The following PTPRS variants were observed in gnomAD, a reference collection of about 807,000 sequenced individuals.
PTPRS encodes the protein receptor-type tyrosine-protein phosphatase S.
In PTPRS, 63 loss-of-function variants were observed where a neutral mutation model predicts 215.3. The ratio of observed to expected loss-of-function variants is 0.29; its 90% CI spans 0.24 to 0.36. The LOEUF is 0.36. Ranked by LOEUF, PTPRS falls within the 10% of genes least tolerant of loss-of-function variation. The pLI, the probability that PTPRS is intolerant of heterozygous loss-of-function variation, is 1.00. For missense variants in PTPRS, 2,258 were observed against 2,825.8 expected, an observed-to-expected ratio of 0.80 and a Z score of 4.56; for synonymous variants, 1,404 against 1,191.4, an observed-to-expected ratio of 1.18 and a Z score of -3.68.
intron 1 of PTPRS, among the ~76,000 whole-genome samples, chr19:5,288,512 G>A (rs1036181593): frequency 6.6e-6 from 1 of 152,224 alleles, no homozygotes; most frequent in Non-Finnish European, 1.5e-5. Context: ...CAACGAGGAA[G>A]GCGGTGGCCC....
chr19:5,223,421 T>G, intron 17 of PTPRS, 124 bp from the exon 18 acceptor site: 40 of 1,152,788 alleles, frequency 3.5e-5, no homozygotes, highest in Non-Finnish European at 4.1e-5. Context: ...GGGGGGGTCT[T>G]ACTCTGTTGC....
chr19:5,251,521 AC>A (rs931431915), intron 9 of PTPRS, among the ~76,000 whole-genome samples: 8 of 104,816 alleles, frequency 7.6e-5, no homozygotes, highest in East Asian at 5.0e-4. Flanking sequence ...TTCCCTCACC[AC>A]CCCCCCAACC....
Position 5,210,861 on chromosome 19 carries a change from C to A in PTPRS, c.5235-56G>T. On this transcript the variant is annotated intron_variant, in intron 33 of 37. Transcript: ENST00000262963. The surrounding 1 kb of genome is among the most constrained non-coding windows in gnomAD (Gnocchi z 4.5). ...CGGCAGGGAGACCCGGCGTGGTACT[C>A]ACCTGATGCTGCCCGGGAGGGTCAG... 1 of 1,581,174 alleles carries A rather than the reference C, an allele frequency of 6.3e-7. No individual in the cohort carries two copies. Among genetic ancestry groups the A allele is most frequent in the Non-Finnish European group, 8.6e-7 (1 of 1,167,216 alleles).
In PTPRS at chr19:5,215,955, G is replaced by T. The variant is rs1247473708; in HGVS notation, c.4097-360C>A. 2.0e-5 allele frequency among the ~76,000 whole-genome samples: 3 copies of T among 152,196 alleles called. No homozygotes were observed. The East Asian group carries it at 5.8e-4, about 29-fold the overall frequency. ...GGATGTCAAGCTCCCAGTGCCTCGA[G>T]CCAAGAAGCAAGTGTGTGGCACAGA... On this transcript the variant is annotated intron_variant, in intron 26 of 37. Transcript: ENST00000262963.
At chr19:5,335,610 T>C (rs2050469730) in intron 1 of PTPRS, among the ~76,000 whole-genome samples, 1 of 152,088 alleles carries the variant, frequency 6.6e-6, no homozygotes, top group Non-Finnish European at 1.5e-5. Flanking sequence ...ATAAGGGGCT[T>C]ATGGCAAAGA....
chr19:5,330,433 G>A (rs1444182226), intron 1 of PTPRS, among the ~76,000 whole-genome samples: 1 of 152,330 alleles, frequency 6.6e-6, no homozygotes, highest in African/African-American at 2.4e-5. Context: ...CCCCCACCAC[G>A]GGGGACTTTC....
chr19:5,267,141 G>A (rs1172414807), intron 4 of PTPRS, among the ~76,000 whole-genome samples: 16 of 151,896 alleles, frequency 1.1e-4, no homozygotes, highest in East Asian at 1.9e-4. Flanking sequence ...GGTCTCCAGC[G>A]CTCGGTATCC....
At chr19:5,330,601 A>G (rs573368438) in intron 1 of PTPRS, among the ~76,000 whole-genome samples, 2 of 152,316 alleles carry the variant, frequency 1.3e-5, no homozygotes, top group South Asian at 2.1e-4. Context: ...CCCGTTATCA[A>G]TGTGACACCA....
intron 1 of PTPRS, among the ~76,000 whole-genome samples, chr19:5,335,583 G>C (rs182778384): frequency 6.6e-6 from 1 of 152,332 alleles, no homozygotes; most frequent in Admixed American, 6.5e-5. Flanking sequence ...GGGAACAGGA[G>C]ACAGCTGGCC....
intron 1 of PTPRS, among the ~76,000 whole-genome samples, chr19:5,336,708 A>G (rs1029035913): frequency 4.0e-5 from 6 of 150,838 alleles, no homozygotes; most frequent in African/African-American, 1.5e-4. Flanking sequence ...GAATCCTGCG[A>G]GGAACAGCAG....
rs551446886 is a variant in PTPRS, at chr19:5,253,112, A to C, written c.718+2996T>G. On this transcript the variant is annotated intron_variant, in intron 9 of 37. Coordinates refer to ENST00000262963, the MANE Select transcript of PTPRS (RefSeq NM_002850.4). ...CAGAAAAGAACATTCATAGTCAGGG[A>C]GAATATAATCTGATCATCTTCCCAC... Among the ~76,000 whole-genome samples, 6 of 152,312 alleles carry C rather than the reference A, an allele frequency of 3.9e-5. No individual in the cohort carries two copies. The East Asian group carries it at 1.2e-3, about 29-fold the overall frequency.
chr19:5,223,412 G>C (rs946274618), intron 17 of PTPRS, 115 bp from the exon 18 acceptor site: 2 of 1,264,896 alleles, frequency 1.6e-6, no homozygotes, highest in African/African-American at 3.2e-5. Flanking sequence ...TTTGAGTTGG[G>C]GGGGGTCTTA....
At chr19:5,239,098 G>C in intron 12 of PTPRS, 35 bp from the exon 13 acceptor site, 1 of 1,555,080 alleles carries the variant, frequency 6.4e-7, no homozygotes. Context: ...GAGAGGGATG[G>C]GGGAGAGAGA....
Position 5,237,173 on chromosome 19 carries a change from C to T in PTPRS, c.1849+1746G>A, listed in dbSNP as rs1268727380. The stretch of plus-strand genomic sequence containing the variant: ...CCCGCAGCCCTGCTCCAGCCCCCAG[C>T]GTGCGCACGCTGAGGTTCCAGGCTG... On this transcript the variant is annotated intron_variant, in intron 13 of 37. Coordinates refer to ENST00000262963, the MANE Select transcript of PTPRS (RefSeq NM_002850.4). This position sits in a 1 kb window ranked among gnomAD's most constrained non-coding sequence, Gnocchi z 4.2. Among the ~76,000 whole-genome samples, 2 of 152,142 alleles carry T rather than the reference C, an allele frequency of 1.3e-5. No individual in the cohort carries two copies. The highest frequency in any genetic ancestry group is 2.9e-5 in the Non-Finnish European group (2 of 68,028).
intron 4 of PTPRS, among the ~76,000 whole-genome samples, chr19:5,270,317 G>T (rs1242633064): frequency 3.9e-5 from 5 of 127,968 alleles, no homozygotes; most frequent in Non-Finnish European, 7.7e-5. Context: ...TAGAGACAGG[G>T]TCTTGCTCTG....
At chr19:5,280,581 C>A (rs951307929) in intron 2 of PTPRS, among the ~76,000 whole-genome samples, 7 of 151,992 alleles carry the variant, frequency 4.6e-5, no homozygotes, top group Non-Finnish European at 5.9e-5. Flanking sequence ...ATCAGCCAGG[C>A]GTGGTGGCGG....
intron 26 of PTPRS, among the ~76,000 whole-genome samples, chr19:5,216,351 G>C (rs2041451778): frequency 6.6e-6 from 1 of 152,160 alleles, no homozygotes; most frequent in Non-Finnish European, 1.5e-5. Flanking sequence ...GCTCTCAGGT[G>C]GTTTCCAGAC....
chr19:5,207,288 T>C lies in PTPRS; in HGVS notation c.5779-446A>G, dbSNP rs889756558. Among the ~76,000 whole-genome samples, 5 of 152,370 alleles carry C rather than the reference T, an allele frequency of 3.3e-5. No individual in the cohort carries two copies. In the East Asian group the frequency reaches 7.7e-4, roughly 24 times the overall value. ...TTAGTAGAGACAGGGTTTCGCCATG[T>C]TGGCCAGGCTGGTCTCAAACTCCTG... On this transcript the variant is annotated intron_variant, in intron 37 of 37. Coordinates refer to ENST00000262963, the MANE Select transcript of PTPRS (RefSeq NM_002850.4).
chr19:5,240,080 G>C (rs2043892564), intron 12 of PTPRS, 119 bp downstream of exon 12: 16 of 1,209,158 alleles, frequency 1.3e-5, no homozygotes, highest in Non-Finnish European at 1.7e-5. Context: ...GAAGGGGTGA[G>C]GAAGAGCAGA....
Sources: allele counts gnomAD v4.1 joint callset (sites outside exome capture counted in the v4.1 genomes callset), GRCh38; gene constraint gnomAD v4.1.1; non-coding constraint Gnocchi (gnomAD v3.1); transcripts MANE v1.5; gene names NCBI Gene and HGNC (gene_info 2026-07-23, HGNC 2026-07-21).